The following BTBD8 variants were observed in gnomAD, a reference collection of about 807,000 sequenced individuals.
The protein encoded by BTBD8 is BTB domain containing 8.
BTBD8 carries 110 observed loss-of-function variants against 162.9 expected under a neutral mutation model. The observed-to-expected ratio is 0.68, with a 90% CI of 0.58 to 0.79. BTBD8 has a LOEUF of 0.79. Ranked by LOEUF, BTBD8 falls within the 30% of genes least tolerant of loss-of-function variation. The probability of loss-of-function intolerance (pLI) is 0.00; values close to 1 mark genes in which losing one functional copy is unlikely to be tolerated. For synonymous variants in BTBD8, 667 were observed against 716.1 expected, an observed-to-expected ratio of 0.93 and a Z score of 1.10; for missense variants, 1,905 against 2,085.4, an observed-to-expected ratio of 0.91 and a Z score of 1.68.
At chr1:92,095,725 C>T (rs898024298) in intron 2 of BTBD8, among the ~76,000 whole-genome samples, 3 of 152,130 alleles carry the variant, frequency 2.0e-5, no homozygotes, top group Non-Finnish European at 4.4e-5. Flanking sequence ...GATGATGTTT[C>T]CAGTAACTTG....
intron 2 of BTBD8, among the ~76,000 whole-genome samples, chr1:92,100,266 C>G (rs1012894042): frequency 6.6e-6 from 1 of 152,064 alleles, no homozygotes; most frequent in South Asian, 2.1e-4. Context: ...TTTATTTACA[C>G]TAATAAGGAA....
At chr1:92,145,994 T>A (rs1054521665) in intron 7 of BTBD8, among the ~76,000 whole-genome samples, 3 of 151,044 alleles carry the variant, frequency 2.0e-5, no homozygotes, top group Non-Finnish European at 4.4e-5. Flanking sequence ...AAAAAAAAAA[T>A]ACATCATGTA....
chr1:92,091,320 C>T lies in BTBD8; in HGVS notation c.347+2425C>T, dbSNP rs559484288. 3.7e-4 allele frequency among the ~76,000 whole-genome samples: 56 copies of T among 152,284 alleles called. No individual in the cohort carries two copies. In the South Asian group the frequency reaches 0.01, roughly 28 times the overall value. On this transcript the variant is annotated intron_variant, in intron 2 of 17. Coordinates refer to ENST00000636805, the MANE Select transcript of BTBD8 (RefSeq NM_001376131.1). Reference sequence around the variant, plus strand: ...GCCTTGATTGTTAAGTTTCATGAGGCCTCCCCAGCTATGCTTCCATGCCTT... The same window carrying T: ...GCCTTGATTGTTAAGTTTCATGAGGTCTCCCCAGCTATGCTTCCATGCCTT...
At chr1:92,175,202 C>T (rs897013485) in intron 13 of BTBD8, among the ~76,000 whole-genome samples, 1 of 151,714 alleles carries the variant, frequency 6.6e-6, no homozygotes, top group Non-Finnish European at 1.5e-5. Flanking sequence ...GACAATAGGA[C>T]GGGCGCGGTG....
At chr1:92,155,714 A>ATT (rs1273205746) in intron 9 of BTBD8, among the ~76,000 whole-genome samples, 1 of 152,004 alleles carries the variant, frequency 6.6e-6, no homozygotes, top group East Asian at 1.9e-4. Flanking sequence ...TGTAAATGGG[A>ATT]TTGTTTTTCT....
At chr1:92,141,080 T>C in intron 6 of BTBD8, 35 bp from the exon 7 acceptor site, 2 of 1,498,244 alleles carry the variant, frequency 1.3e-6, no homozygotes, top group Non-Finnish European at 1.8e-6. Context: ...GATTTTTAAA[T>C]TGGAGAATTA....
chr1:92,165,801 T>C (rs1650370890), intron 9 of BTBD8, among the ~76,000 whole-genome samples: 1 of 152,186 alleles, frequency 6.6e-6, no homozygotes. Flanking sequence ...GCAAGGCTTC[T>C]TGAGGCCTAG....
intron 2 of BTBD8, among the ~76,000 whole-genome samples, chr1:92,101,557 G>A (rs1169753525): frequency 6.6e-6 from 1 of 152,240 alleles, no homozygotes; most frequent in African/African-American, 2.4e-5. Context: ...CAGAGGCATC[G>A]AAGGTTCCAG....
At chr1:92,179,104 G>A (rs898051317) in intron 16 of BTBD8, among the ~76,000 whole-genome samples, 1 of 152,070 alleles carries the variant, frequency 6.6e-6, no homozygotes, top group African/African-American at 2.4e-5. Context: ...AAATTAGCCA[G>A]GTGTGGTGGT....
At position 92,166,948 on chromosome 1, in the gene BTBD8, T is replaced by G; in HGVS notation, c.1123-10T>G. ...AGCATCTAACTTTCCAATTTTTTTT[T>G]AAATCTAAGAATGATAAGAATGCTG... On this transcript the variant is annotated splice_polypyrimidine_tract_variant and intron_variant, in intron 9 of 17. Transcript: ENST00000636805. The G allele has an allele frequency of 6.6e-7, 1 of 1,524,460 alleles. No individual in the cohort carries two copies. Among genetic ancestry groups the G allele is most frequent in the East Asian group, 2.5e-5 (1 of 40,560 alleles). 94.4% of individuals were successfully genotyped at this position (1,524,460 alleles called of 1,614,324 possible). A position where few individuals can be genotyped will look rare whatever the true frequency, so the allele number is the denominator to read the frequency against.
intron 4 of BTBD8, among the ~76,000 whole-genome samples, chr1:92,120,553 A>G (rs1435328664): frequency 6.6e-6 from 1 of 152,226 alleles, no homozygotes; most frequent in Admixed American, 6.5e-5. Flanking sequence ...ACTGTACATA[A>G]TTGTATATGC....
intron 4 of BTBD8, among the ~76,000 whole-genome samples, chr1:92,112,636 C>T (rs12095429): frequency 6.6e-6 from 1 of 151,952 alleles, no homozygotes; most frequent in Non-Finnish European, 1.5e-5. Context: ...CAAATTTTGT[C>T]GGATAATAGA....
chr1:92,147,814 G>A, intron 9 of BTBD8, 28 bp downstream of exon 9: 2 of 1,541,616 alleles, frequency 1.3e-6, no homozygotes, highest in Non-Finnish European at 1.8e-6. Flanking sequence ...ACTCTTTTGT[G>A]TGTTTGCCAT....
intron 9 of BTBD8, among the ~76,000 whole-genome samples, chr1:92,165,117 G>A (rs1422527225): frequency 7.2e-6 from 1 of 138,886 alleles, no homozygotes; most frequent in Non-Finnish European, 1.5e-5. Context: ...CAAGACTTGT[G>A]TCAAAAAAAA....
In BTBD8 at chr1:92,095,232, A is replaced by C. The variant is rs199549087; in HGVS notation, c.347+6337A>C. On this transcript the variant is annotated intron_variant, in intron 2 of 17. Transcript: ENST00000636805. ...TCTCCCTATAGCCAAGTACCAGACA[A>C]GTAGGGATCACTCCCATAGGCCAGA... Among the ~76,000 whole-genome samples the C allele has an allele frequency of 5.9e-5, 9 of 152,358 alleles. No individual in the cohort carries two copies. The East Asian group carries it at 1.7e-3, about 29-fold the overall frequency.
rs752915828 is a variant in BTBD8, at chr1:92,180,602, G to A, written c.2919G>A (p.Val973=). The change falls in exon 17 of 18, where the codon GTG becomes GTA. Residue 973 remains valine (V), a synonymous_variant. Transcript: ENST00000636805. The stretch of plus-strand genomic sequence containing the variant: ...TCCAAAAAAGTATGTTTCATGATGT[G>A]CGTGATAATAACAACAAGGACAGTG... The part of the protein sequence containing the change: ...STVQKSMFHD[V]RDNNNKDSVS... 20 of 1,551,114 alleles carry A rather than the reference G, an allele frequency of 1.3e-5. No homozygotes were observed. The highest frequency in any genetic ancestry group is 1.6e-5 in the Non-Finnish European group (18 of 1,146,910).
intron 4 of BTBD8, among the ~76,000 whole-genome samples, chr1:92,114,261 A>G (rs554840325): frequency 5.7e-4 from 87 of 152,132 alleles, no homozygotes; most frequent in Non-Finnish European, 9.6e-4. Context: ...GAAAGAAAAG[A>G]CTGCCATGGA....
intron 2 of BTBD8, among the ~76,000 whole-genome samples, chr1:92,099,988 G>T (rs1648545962): frequency 6.6e-6 from 1 of 152,056 alleles, no homozygotes; most frequent in Non-Finnish European, 1.5e-5. Context: ...TGTCAGCTGT[G>T]GGTTTTTCAT....
chr1:92,177,832 C>G lies in BTBD8; in HGVS notation c.2375C>G (p.Ser792Ter). The G allele has an allele frequency of 6.5e-7, 1 of 1,539,940 alleles. No individual in the cohort carries two copies. Among genetic ancestry groups the G allele is most frequent in the African/African-American group, 1.4e-5 (1 of 72,788 alleles). The change falls in exon 15 of 18, where the codon TCA (serine) becomes TGA (stop). Residue 792 changes from serine (S) to a stop codon, truncating the protein, a stop_gained. Coordinates refer to ENST00000636805, the MANE Select transcript of BTBD8 (RefSeq NM_001376131.1). LOFTEE classifies it high-confidence loss of function. ...STVAIKSRPV[S>*]RVTNGTSNKK... is the part of the protein sequence containing the mutation. ...ATAGCCATAAAATCTCGACCTGTTTCAAGAGTTACCAATGGAACTTCCAAT... is the reference window on the plus strand; with the variant it reads ...ATAGCCATAAAATCTCGACCTGTTTGAAGAGTTACCAATGGAACTTCCAAT...
Sources: gnomAD v4.1 joint callset for allele counts (sites outside exome capture counted in the v4.1 genomes callset) on GRCh38, gnomAD v4.1.1 for gene constraint, MANE v1.5 for transcripts, NCBI Gene and HGNC (gene_info 2026-07-23, HGNC 2026-07-21) for gene names.